The following LSP1 variants were observed in gnomAD, a reference collection of about 807,000 sequenced individuals.
LSP1 encodes lymphocyte specific protein 1.
Under a neutral mutation model 49.3 loss-of-function variants are expected in LSP1, and 32 were observed. That is an observed-to-expected ratio of 0.65 (90% CI 0.49 to 0.87). LSP1 has a LOEUF of 0.87. Ranked by LOEUF, LSP1 falls within the 40% of genes least tolerant of loss-of-function variation. LSP1 has a pLI of 0.00. For synonymous variants in LSP1, 179 were observed against 178.8 expected, an observed-to-expected ratio of 1.00 and a Z score of -0.01; for missense variants, 428 against 442.6, an observed-to-expected ratio of 0.97 and a Z score of 0.30.
At chr11:1,866,556 C>T in intron 1 of LSP1, 1 of 1,546,144 alleles carries the variant, frequency 6.5e-7, no homozygotes, top group Non-Finnish European at 8.7e-7. Context: ...TGCAGTGGGC[C>T]CCTGGCTGGG....
chr11:1,889,499 C>T (rs1203394597), intron 10 of LSP1: 7 of 618,516 alleles, frequency 1.1e-5, no homozygotes, highest in African/African-American at 3.7e-5. Context: ...GCTCCAGGCT[C>T]TGCCGCGGCT....
At chr11:1,885,349 C>A (rs1848712041) in intron 7 of LSP1, among the ~76,000 whole-genome samples, 1 of 152,178 alleles carries the variant, frequency 6.6e-6, no homozygotes, top group Non-Finnish European at 1.5e-5. Flanking sequence ...AATGTCCCTG[C>A]ATCCAACCAA....
intron 1 of LSP1, among the ~76,000 whole-genome samples, chr11:1,872,365 C>T (rs1255512598): frequency 7.0e-6 from 1 of 143,706 alleles, no homozygotes; most frequent in Non-Finnish European, 1.5e-5. Context: ...GAGTTGGGGT[C>T]TGTCTGGCTG....
At chr11:1,883,616 C>T (rs1397599444) in intron 4 of LSP1, 56 bp downstream of exon 4, 13 of 1,545,604 alleles carry the variant, frequency 8.4e-6, no homozygotes, top group African/African-American at 4.1e-5. Context: ...GATGAGTCTG[C>T]CTTGGCTGTC....
intron 1 of LSP1, among the ~76,000 whole-genome samples, chr11:1,874,020 A>G (rs1298511931): frequency 2.8e-4 from 33 of 116,256 alleles, no homozygotes; most frequent in Non-Finnish European, 3.8e-4. Flanking sequence ...GGAGGCCGGC[A>G]GAGGAGGGAG....
chr11:1,855,917 C>A (rs1403127046), intron 1 of LSP1, among the ~76,000 whole-genome samples: 1 of 152,216 alleles, frequency 6.6e-6, no homozygotes, highest in African/African-American at 2.4e-5. Flanking sequence ...ACGGGGCGTC[C>A]TGGTCCACAG....
Position 1,881,458 on chromosome 11 carries a change from C to A in LSP1, c.218C>A (p.Pro73His). Residue 73 changes from proline to histidine, a missense_variant, in exon 3 of 11, where the codon CCT (proline) becomes CAT (histidine). Coordinates refer to ENST00000311604, the MANE Select transcript of LSP1 (RefSeq NM_002339.3). ...CTCAGCCTGAAGCCCTCGGAGGCCCCTGAACTGGATGAGGACGAGGGCTTT... is the reference window on the plus strand; with the variant it reads ...CTCAGCCTGAAGCCCTCGGAGGCCCATGAACTGGATGAGGACGAGGGCTTT... ...MLLSLKPSEA[P>H]ELDEDEGFGD... 6.3e-7 allele frequency: 1 copy of A among 1,580,432 alleles called. No individual in the cohort carries two copies.
At chr11:1,890,732 G>T (rs556960271) in intron 10 of LSP1, 13 of 604,330 alleles carry the variant, frequency 2.2e-5, no homozygotes, top group South Asian at 1.2e-4. Flanking sequence ...CCCAGAACCT[G>T]CCAGGGACAT....
chr11:1,870,933 C>T, intron 1 of LSP1: 29 of 985,694 alleles, frequency 2.9e-5, no homozygotes, highest in Middle Eastern at 5.2e-4. Flanking sequence ...CGAGGGCCGT[C>T]GAGCAAAGGC....
At chr11:1,864,771 C>T (rs553721966) in intron 1 of LSP1, among the ~76,000 whole-genome samples, 7 of 151,628 alleles carry the variant, frequency 4.6e-5, no homozygotes, top group South Asian at 4.2e-4. Context: ...TGCAGGGAGC[C>T]GGCCTGCAGA....
Position 1,890,511 on chromosome 11 carries a change from G to A in LSP1, c.*14-1262G>A, listed in dbSNP as rs1198438439. The A allele has an allele frequency of 9.8e-6, 7 of 716,610 alleles. 1 individual carries two copies. Among genetic ancestry groups the A allele is most frequent in the South Asian group, 4.4e-5 (3 of 67,600 alleles). 44.4% of individuals were successfully genotyped at this position (716,610 alleles called of 1,614,324 possible). On this transcript the variant is annotated intron_variant, in intron 10 of 10. Coordinates refer to ENST00000311604, the MANE Select transcript of LSP1 (RefSeq NM_002339.3). ...CTTCCCTGGCTTGGGCAGCAGGGGC[G>A]GTGGGGGTCCAGGGGTTCCCTGGAG...
At position 1,875,558 on chromosome 11, in the gene LSP1, C is replaced by T. The variant is rs147406500; in HGVS notation, c.54-4529C>T. 4.1e-3 allele frequency among the ~76,000 whole-genome samples: 627 copies of T among 152,356 alleles called. 1 individual carries two copies. Among genetic ancestry groups the T allele is most frequent in the African/African-American group, 0.014 (576 of 41,582 alleles). On this transcript the variant is annotated intron_variant, in intron 1 of 10. Coordinates refer to ENST00000311604, the MANE Select transcript of LSP1 (RefSeq NM_002339.3). ...CCAAGTTCAAGGCCTCCTCCTGCTC[C>T]GGGCGGCTCATCACTCGGCCTCCCC...
intron 1 of LSP1, among the ~76,000 whole-genome samples, chr11:1,862,972 A>G (rs935998841): frequency 1.1e-4 from 17 of 152,000 alleles, no homozygotes; most frequent in African/African-American, 4.1e-4. Context: ...GGCCAACACC[A>G]TGGTCTCTAG....
At chr11:1,872,196 AC>A in intron 1 of LSP1, among the ~76,000 whole-genome samples, 1 of 120,652 alleles carries the variant, frequency 8.3e-6, no homozygotes. Context: ...TGGCGTGGGC[AC>A]CTTTGGGACG....
chr11:1,869,694 C>A (rs1182267976), intron 1 of LSP1: 1 of 470,462 alleles, frequency 2.1e-6, no homozygotes. Context: ...ATCAAAGAAG[C>A]GAGAAATGGA....
chr11:1,890,071 C>T lies in LSP1; in HGVS notation c.*14-1702C>T, dbSNP rs559342135. The T allele has an allele frequency of 1.2e-4, 89 of 713,598 alleles. 1 individual carries two copies. In the South Asian group the frequency reaches 1.3e-3, roughly 10 times the overall value. The allele number at this position is 713,598 out of a possible 1,614,324, so 44.2% of individuals were successfully genotyped here. A position where few individuals can be genotyped will look rare whatever the true frequency, so the allele number is the denominator to read the frequency against. On this transcript the variant is annotated intron_variant, in intron 10 of 10. Transcript: ENST00000311604. The stretch of plus-strand genomic sequence containing the variant: ...TGGGTGACGTGGGTGCCCCCACCCC[C>T]AGAGACAGGGACGAAGCCACTGGGG...
Position 1,887,497 on chromosome 11 carries a change from T to C in LSP1, c.954T>C (p.Tyr318=). The C allele has an allele frequency of 1.2e-6, 2 of 1,613,788 alleles. No individual in the cohort carries two copies. The highest frequency in any genetic ancestry group is 1.3e-5 in the African/African-American group (1 of 74,994). ...AGAGCACCCCATCTGGGAAGAGGTA[T>C]AAGTTTGTGGCCACCGGGCATGGGA... The part of the protein sequence containing the change: ...TIKSTPSGKR[Y]KFVATGHGKY... The change falls in exon 10 of 11, where the codon TAT becomes TAC. Residue 318 remains tyrosine (Y), a synonymous_variant. Coordinates refer to ENST00000311604, the MANE Select transcript of LSP1 (RefSeq NM_002339.3).
At position 1,872,570 on chromosome 11, in the gene LSP1, C is replaced by A. The variant is rs533713607; in HGVS notation, c.54-7517C>A. On this transcript the variant is annotated intron_variant, in intron 1 of 10. Transcript: ENST00000311604. ...TTGGGGTCTGTCTGGCTGGCGTGGGCACTTTTGGGAGGGGGTGTGTGTGGC... is the reference window on the plus strand; with the variant it reads ...TTGGGGTCTGTCTGGCTGGCGTGGGAACTTTTGGGAGGGGGTGTGTGTGGC... Among the ~76,000 whole-genome samples, 67 of 137,590 alleles carry A rather than the reference C, an allele frequency of 4.9e-4. 2 individuals are homozygous for A. In the South Asian group the frequency reaches 0.014, roughly 30 times the overall value. The allele number at this position is 137,590 out of a possible 152,430, so 90.3% of individuals were successfully genotyped here. A position where few individuals can be genotyped will look rare whatever the true frequency, so the allele number is the denominator to read the frequency against.
intron 1 of LSP1, chr11:1,865,312 AT>A: frequency 1.1e-6 from 1 of 895,996 alleles, no homozygotes; most frequent in Non-Finnish European, 1.3e-6. Context: ...CAGGGTGCCC[AT>A]GCTGGGCTGC....
Sources: allele counts gnomAD v4.1 joint callset (sites outside exome capture counted in the v4.1 genomes callset), GRCh38; gene constraint gnomAD v4.1.1; transcripts MANE v1.5; gene names NCBI Gene and HGNC (gene_info 2026-07-23, HGNC 2026-07-21).